The following ANKS1A variants were observed in gnomAD, a reference collection of about 807,000 sequenced individuals.
The protein encoded by ANKS1A is ankyrin repeat and SAM domain-containing protein 1A.
A neutral mutation model predicts 120.3 loss-of-function variants in ANKS1A; 55 were observed. That is an observed-to-expected ratio of 0.46 (90% CI 0.37 to 0.57). The LOEUF (loss-of-function observed/expected upper bound fraction) is 0.57, where lower values mean the gene tolerates loss of function less well. Among genes scored for constraint, ANKS1A ranks in the 20% least tolerant of loss-of-function variants. ANKS1A has a pLI of 0.00. For missense variants in ANKS1A, 1,123 were observed against 1,480.3 expected (o/e 0.76, Z 3.96); for synonymous variants, 590 against 604.7 (o/e 0.98, Z 0.36).
In ANKS1A at chr6:35,008,695, C is replaced by T. The variant is rs139692269; in HGVS notation, c.1424-8778C>T. Among the ~76,000 whole-genome samples the T allele has an allele frequency of 2.0e-3, 305 of 151,886 alleles. 4 individuals are homozygous for T. The highest frequency in any genetic ancestry group is 6.9e-3 in the African/African-American group (284 of 41,222). ...ATATGTATTGACAGCCATTTATATA[C>T]ATGTATATTATGCATTTATATATAT... On this transcript the variant is annotated intron_variant, in intron 10 of 23. Transcript: ENST00000360359.
At chr6:35,067,998 T>C (rs1443729840) in intron 13 of ANKS1A, among the ~76,000 whole-genome samples, 1 of 150,884 alleles carries the variant, frequency 6.6e-6, no homozygotes, top group Non-Finnish European at 1.5e-5. Flanking sequence ...GTTCAAGCGA[T>C]TTCTCCTGCC....
At chr6:34,983,485 G>A (rs186399592) in intron 7 of ANKS1A, 60 bp downstream of exon 7, 259 of 1,356,356 alleles carry the variant, frequency 1.9e-4, no homozygotes, top group African/African-American at 2.8e-4. Context: ...TTGAAAATTC[G>A]TGGGCAGAAT....
chr6:35,046,533 A>C (rs891047629), intron 11 of ANKS1A, among the ~76,000 whole-genome samples: 1 of 152,186 alleles, frequency 6.6e-6, no homozygotes, highest in Non-Finnish European at 1.5e-5. Flanking sequence ...GAAAGACTTG[A>C]GTAGTGAATC....
chr6:34,976,776 GC>G (rs1009451591), intron 3 of ANKS1A, among the ~76,000 whole-genome samples: 1 of 75,848 alleles, frequency 1.3e-5, no homozygotes, highest in African/African-American at 3.6e-5. Context: ...CTGTGTGTGT[GC>G]GTGTGTGTGT....
chr6:34,991,587 CAT>C (rs1168878284), intron 9 of ANKS1A, among the ~76,000 whole-genome samples: 7 of 140,452 alleles, frequency 5.0e-5, no homozygotes, highest in East Asian at 2.4e-4. Flanking sequence ...CACATATACA[CAT>C]ATATATATAC....
intron 11 of ANKS1A, chr6:35,023,745 T>G (rs747561836): frequency 2.9e-6 from 1 of 348,988 alleles, no homozygotes; most frequent in Non-Finnish European, 5.6e-6. Flanking sequence ...TCTCCCAGAA[T>G]ATAGAGGCAC....
chr6:34,915,237 G>C (rs1768099442), intron 1 of ANKS1A, among the ~76,000 whole-genome samples: 1 of 152,188 alleles, frequency 6.6e-6, no homozygotes, highest in African/African-American at 2.4e-5. Context: ...CTTGCCCCTA[G>C]GTCAGTGCCA....
intron 1 of ANKS1A, among the ~76,000 whole-genome samples, chr6:34,928,670 GGCACA>G (rs1295945835): frequency 3.3e-5 from 5 of 152,142 alleles, no homozygotes; most frequent in Non-Finnish European, 7.3e-5. Flanking sequence ...AGGAAATTGA[GGCACA>G]GCACAGTTAA....
In ANKS1A at chr6:35,009,047, G is replaced by A. The variant is rs376927490; in HGVS notation, c.1424-8426G>A. On this transcript the variant is annotated intron_variant, in intron 10 of 23. Coordinates refer to ENST00000360359, the MANE Select transcript of ANKS1A (RefSeq NM_015245.3). ...TGTCATAGAGCATTGGATCTCCACC[G>A]TCAGTGTTTATTCCCGAGACAATGC... 2.0e-3 allele frequency among the ~76,000 whole-genome samples: 309 copies of A among 152,298 alleles called. 1 individual carries two copies. The highest frequency in any genetic ancestry group is 7.0e-3 in the African/African-American group (292 of 41,566).
intron 1 of ANKS1A, among the ~76,000 whole-genome samples, chr6:34,927,910 A>G (rs1768795541): frequency 6.6e-6 from 1 of 152,114 alleles, no homozygotes; most frequent in African/African-American, 2.4e-5. Flanking sequence ...CATTTTCCAA[A>G]CTGAGATGGC....
intron 1 of ANKS1A, among the ~76,000 whole-genome samples, chr6:34,923,944 C>T (rs73745050): frequency 0.12 from 17,718 of 152,118 alleles, 1,537 homozygotes; most frequent in African/African-American, 0.23. Flanking sequence ...ATGGCCAAGT[C>T]GTCTTACAGA....
chr6:35,068,317 C>G (rs1186614907), intron 13 of ANKS1A, among the ~76,000 whole-genome samples: 2 of 152,180 alleles, frequency 1.3e-5, no homozygotes, highest in East Asian at 3.8e-4. Flanking sequence ...GCGTCAGTGT[C>G]ACAGTGTCAC....
intron 1 of ANKS1A, among the ~76,000 whole-genome samples, chr6:34,935,286 C>T (rs767545635): frequency 7.2e-5 from 11 of 152,128 alleles, no homozygotes; most frequent in Admixed American, 1.3e-4. Flanking sequence ...GGGGTCTCGC[C>T]GTGTTTCCCA....
At position 35,090,527 on chromosome 6, in the gene ANKS1A, G is replaced by A. The variant is rs376847649; in HGVS notation, c.*1918G>A. 9.6e-7 allele frequency: 1 copy of A among 1,041,032 alleles called. No individual in the cohort carries two copies. Among genetic ancestry groups the A allele is most frequent in the South Asian group, 3.4e-5 (1 of 29,218 alleles). The allele number at this position is 1,041,032 out of a possible 1,614,324, so 64.5% of individuals were successfully genotyped here. ...CTGCTATATCATCTTTATTTATTCA[G>A]GGTATTTTCATATTGGAAGCCTTGG... is the stretch of plus-strand genomic sequence containing the variant. On this transcript the variant is annotated 3_prime_UTR_variant, in exon 24 of 24. Transcript: ENST00000360359.
chr6:34,930,116 A>G (rs141487980), intron 1 of ANKS1A, among the ~76,000 whole-genome samples: 36 of 152,254 alleles, frequency 2.4e-4, no homozygotes, highest in African/African-American at 7.9e-4. Flanking sequence ...TGTTATGCCA[A>G]TGGGTAGTTT....
intron 1 of ANKS1A, among the ~76,000 whole-genome samples, chr6:34,946,027 C>T (rs1228406155): frequency 9.3e-5 from 14 of 149,754 alleles, no homozygotes; most frequent in Admixed American, 8.6e-4. Flanking sequence ...GTCCCCCAGG[C>T]TGGAGTGCAG....
intron 1 of ANKS1A, among the ~76,000 whole-genome samples, chr6:34,951,882 C>G (rs9380476): frequency 0.025 from 3,859 of 152,266 alleles, 202 homozygotes; most frequent in East Asian, 0.23. Context: ...AACATCACGC[C>G]TCTCTTTCTC....
intron 1 of ANKS1A, among the ~76,000 whole-genome samples, chr6:34,965,014 T>C (rs1770825390): frequency 6.6e-6 from 1 of 152,232 alleles, no homozygotes; most frequent in Non-Finnish European, 1.5e-5. Flanking sequence ...GCATTGCTGC[T>C]TACTTGATGG....
At chr6:34,937,332 T>TA (rs1561858729) in intron 1 of ANKS1A, among the ~76,000 whole-genome samples, 5 of 151,698 alleles carry the variant, frequency 3.3e-5, no homozygotes, top group African/African-American at 1.2e-4. Flanking sequence ...TATATTTTTT[T>TA]AAAAAGAATG....
Sources: gnomAD v4.1 joint callset for allele counts (sites outside exome capture counted in the v4.1 genomes callset) on GRCh38, gnomAD v4.1.1 for gene constraint, MANE v1.5 for transcripts, NCBI Gene and HGNC (gene_info 2026-07-23, HGNC 2026-07-21) for gene names.